GRM5: variants seen among roughly 807,000 people sequenced by gnomAD.
GRM5 encodes the protein metabotropic glutamate receptor 5.
GRM5 carries 19 observed loss-of-function variants against 83.1 expected under a neutral mutation model. The ratio of observed to expected loss-of-function variants is 0.23; its 90% confidence interval spans 0.16 to 0.34. The LOEUF is 0.34. Ranked by LOEUF, GRM5 falls within the 10% of genes least tolerant of loss-of-function variation. The pLI is 1.00. For synonymous variants in GRM5, 675 were observed against 633.6 expected (o/e 1.07, Z -0.98); for missense variants, 1,160 against 1,588.3 (o/e 0.73, Z 4.58).
rs189141269 is a variant in GRM5, at chr11:88,904,617, A to G, written c.662-54462T>C. 3.6e-3 allele frequency among the ~76,000 whole-genome samples: 554 copies of G among 152,318 alleles called. 2 individuals are homozygous for G. Among genetic ancestry groups the G allele is most frequent in the African/African-American group, 0.013 (532 of 41,580 alleles). On this transcript the variant is annotated intron_variant, in intron 2 of 9. Coordinates refer to ENST00000305447, the MANE Select transcript of GRM5 (RefSeq NM_001143831.3). ...GTGGAATCCCAGGAGTCTCTGAACC[A>G]TAAGTGTGGTATTCAAATTACTCAT...
At chr11:88,980,445 A>G (rs1436020173) in intron 2 of GRM5, among the ~76,000 whole-genome samples, 1 of 152,190 alleles carries the variant, frequency 6.6e-6, no homozygotes, top group African/African-American at 2.4e-5. Flanking sequence ...AATCTAAGAA[A>G]GAGCTAAGAA....
intron 2 of GRM5, among the ~76,000 whole-genome samples, chr11:88,913,964 C>A (rs1009924487): frequency 1.3e-5 from 2 of 152,142 alleles, no homozygotes; most frequent in East Asian, 3.9e-4. Context: ...TGGTTTCCTG[C>A]TGCTTCTGCT....
intron 3 of GRM5, among the ~76,000 whole-genome samples, chr11:88,824,347 A>T (rs1223805163): frequency 6.6e-6 from 1 of 152,164 alleles, no homozygotes; most frequent in Non-Finnish European, 1.5e-5. Flanking sequence ...GCTAGATTAC[A>T]TGGAAAGATT....
chr11:88,717,193 T>C (rs1323290864), intron 3 of GRM5, among the ~76,000 whole-genome samples: 1 of 151,912 alleles, frequency 6.6e-6, no homozygotes, highest in Non-Finnish European at 1.5e-5. Context: ...TTACAGATAA[T>C]CAATATAATG....
At chr11:89,062,977 T>A (rs1445372937) in intron 1 of GRM5, among the ~76,000 whole-genome samples, 4 of 152,268 alleles carry the variant, frequency 2.6e-5, no homozygotes, top group Non-Finnish European at 4.4e-5. Context: ...CTCAGGCTGG[T>A]GTTCAAAGAG....
chr11:88,986,141 T>C (rs1459594284), intron 2 of GRM5, among the ~76,000 whole-genome samples: 1 of 152,128 alleles, frequency 6.6e-6, no homozygotes, highest in Non-Finnish European at 1.5e-5. Flanking sequence ...GGTACATCCA[T>C]CTCATGGAGT....
intron 4 of GRM5, among the ~76,000 whole-genome samples, chr11:88,650,407 CAA>C (rs1939599587): frequency 6.6e-6 from 1 of 151,784 alleles, no homozygotes; most frequent in South Asian, 2.1e-4. Flanking sequence ...TGAACAGACA[CAA>C]AAGAGGATAC....
chr11:89,006,798 G>A (rs1349102659), intron 2 of GRM5, among the ~76,000 whole-genome samples: 1 of 151,718 alleles, frequency 6.6e-6, no homozygotes, highest in African/African-American at 2.4e-5. Context: ...GTTTTGTTTT[G>A]CTTTGTTTTG....
At chr11:88,668,231 CAA>C (rs1940098032) in intron 3 of GRM5, among the ~76,000 whole-genome samples, 1 of 148,332 alleles carries the variant, frequency 6.7e-6, no homozygotes, top group African/African-American at 2.5e-5. Flanking sequence ...CACACACACA[CAA>C]AGACAGAATA....
intron 3 of GRM5, among the ~76,000 whole-genome samples, chr11:88,755,962 T>C (rs1242902058): frequency 2.0e-5 from 3 of 152,066 alleles, no homozygotes; most frequent in Non-Finnish European, 4.4e-5. Flanking sequence ...GCCAAAAAAA[T>C]ATGACTCTAC....
intron 4 of GRM5, among the ~76,000 whole-genome samples, chr11:88,639,122 T>C (rs1006861733): frequency 3.9e-5 from 6 of 152,168 alleles, no homozygotes; most frequent in African/African-American, 1.4e-4. Flanking sequence ...AAATATTGTT[T>C]GAGGTATCTG....
At chr11:88,927,111 C>G (rs1212705922) in intron 2 of GRM5, among the ~76,000 whole-genome samples, 1 of 151,988 alleles carries the variant, frequency 6.6e-6, no homozygotes, top group Non-Finnish European at 1.5e-5. Flanking sequence ...TAAAGAAAAC[C>G]CTCTTTATCC....
intron 9 of GRM5, among the ~76,000 whole-genome samples, chr11:88,524,515 G>A (rs1941814714): frequency 6.7e-6 from 1 of 150,200 alleles, no homozygotes; most frequent in Non-Finnish European, 1.5e-5. Context: ...AATGCGCCCG[G>A]CCCCAGGGCC....
chr11:88,997,339 A>AG (rs1223441103), intron 2 of GRM5, among the ~76,000 whole-genome samples: 1 of 151,304 alleles, frequency 6.6e-6, no homozygotes, highest in Non-Finnish European at 1.5e-5. Flanking sequence ...AAATTAAAAA[A>AG]AAAAAAAAAA....
chr11:89,045,508 A>G (rs60016001), intron 2 of GRM5, among the ~76,000 whole-genome samples: 2,135 of 152,284 alleles, frequency 0.014, 48 homozygotes, highest in African/African-American at 0.047. Flanking sequence ...GGAAATTATA[A>G]TCATTACCTA....
At chr11:88,634,672 G>A (rs1210261019) in intron 4 of GRM5, among the ~76,000 whole-genome samples, 1 of 152,130 alleles carries the variant, frequency 6.6e-6, no homozygotes, top group African/African-American at 2.4e-5. Context: ...GCCTGAGGAT[G>A]TTTTACAGTT....
At position 88,742,920 on chromosome 11, in the gene GRM5, C is replaced by T. The variant is rs114801196; in HGVS notation, c.912-89517G>A. The stretch of plus-strand genomic sequence containing the variant: ...CAGAATAGATGAAGCAGAAACAAGA[C>T]GAGGAGGAAGCTCCAGTCAGCTCCT... On this transcript the variant is annotated intron_variant, in intron 3 of 9. Transcript: ENST00000305447. Among the ~76,000 whole-genome samples, 919 of 152,124 alleles carry T rather than the reference C, an allele frequency of 6.0e-3. 4 individuals carry two copies. Among genetic ancestry groups the T allele is most frequent in the African/African-American group, 0.02 (850 of 41,504 alleles).
chr11:88,746,806 G>A (rs1942154920), intron 3 of GRM5, among the ~76,000 whole-genome samples: 2 of 152,024 alleles, frequency 1.3e-5, no homozygotes, highest in African/African-American at 4.8e-5. Flanking sequence ...AAGAAGTTGG[G>A]AATAAAGAAG....
intron 3 of GRM5, among the ~76,000 whole-genome samples, chr11:88,844,249 T>C (rs902787298): frequency 6.6e-6 from 1 of 152,036 alleles, no homozygotes; most frequent in African/African-American, 2.4e-5. Context: ...ATGAATTATG[T>C]TACATGTATT....
Sources: allele counts gnomAD v4.1 joint callset (sites outside exome capture counted in the v4.1 genomes callset), GRCh38; gene constraint gnomAD v4.1.1; transcripts MANE v1.5; gene names NCBI Gene and HGNC (gene_info 2026-07-23, HGNC 2026-07-21).